Variants in TAFA4 observed in about 807,000 individuals in gnomAD.
TAFA4 encodes the protein TAFA chemokine like family member 4.
A neutral mutation model predicts 21.1 loss-of-function variants in TAFA4; 20 were observed. The observed-to-expected ratio is 0.95, with a 90% CI of 0.67 to 1.38. TAFA4 has a LOEUF of 1.38. TAFA4 is among the 40% of genes most tolerant of loss of function. TAFA4 has a pLI of 0.00. For missense variants in TAFA4, 211 were observed against 180.9 expected, an observed-to-expected ratio of 1.17 and a Z score of -0.95; for synonymous variants, 71 against 67.4, an observed-to-expected ratio of 1.05 and a Z score of -0.26.
intron 3 of TAFA4, among the ~76,000 whole-genome samples, chr3:68,861,119 T>C (rs1394478256): frequency 6.9e-6 from 1 of 145,852 alleles, no homozygotes; most frequent in Non-Finnish European, 1.5e-5. Flanking sequence ...GACACTTACA[T>C]GGATGATCAC....
At chr3:68,766,816 G>C (rs1559514207) in intron 3 of TAFA4, among the ~76,000 whole-genome samples, 1 of 152,010 alleles carries the variant, frequency 6.6e-6, no homozygotes, top group Admixed American at 6.6e-5. Context: ...CAAATTTTTT[G>C]GGATAACAAA....
At chr3:68,784,216 G>C (rs1414918859) in intron 3 of TAFA4, among the ~76,000 whole-genome samples, 2 of 152,206 alleles carry the variant, frequency 1.3e-5, no homozygotes, top group African/African-American at 2.4e-5. Flanking sequence ...GATTATGAGG[G>C]GAAGGCACAA....
At position 68,885,226 on chromosome 3, in the gene TAFA4, A is replaced by G. The variant is rs890437357; in HGVS notation, c.-38T>C. 7 of 1,605,726 alleles carry G rather than the reference A, an allele frequency of 4.4e-6. No individual in the cohort carries two copies. The highest frequency in any genetic ancestry group is 4.0e-5 in the African/African-American group (3 of 74,638). ...TAGTCAAACACACTTATTCCAGGAT[A>G]TATTTCAGAGTGACTCCAAATTCCC... On this transcript the variant is annotated 5_prime_UTR_variant, in exon 2 of 6. Coordinates refer to ENST00000295569, the MANE Select transcript of TAFA4 (RefSeq NM_182522.5).
At chr3:68,760,982 G>A (rs1039059356) in intron 3 of TAFA4, among the ~76,000 whole-genome samples, 1 of 152,198 alleles carries the variant, frequency 6.6e-6, no homozygotes, top group Non-Finnish European at 1.5e-5. Context: ...TCAAAAAGTA[G>A]AGATGCCAAA....
chr3:68,785,699 C>T (rs928987686), intron 3 of TAFA4, among the ~76,000 whole-genome samples: 1 of 152,240 alleles, frequency 6.6e-6, no homozygotes, highest in African/African-American at 2.4e-5. Flanking sequence ...TTGGCCAGTC[C>T]AGAAAGGGAC....
chr3:68,733,221 G>A (rs529876657), intron 5 of TAFA4, 68 bp from the exon 6 acceptor site: 38 of 1,574,558 alleles, frequency 2.4e-5, no homozygotes, highest in East Asian at 2.0e-4. Flanking sequence ...TCCTGCCCCC[G>A]AGACCAATAA....
intron 1 of TAFA4, among the ~76,000 whole-genome samples, chr3:68,927,899 A>G (rs879577213): frequency 6.6e-6 from 1 of 152,164 alleles, no homozygotes; most frequent in Non-Finnish European, 1.5e-5. Flanking sequence ...ATCTCAAAAA[A>G]AAAAAAGAAA....
chr3:68,783,749 G>GAAAGAAAGAAAGAAAGAA (rs1421530241), intron 3 of TAFA4, among the ~76,000 whole-genome samples: 5 of 135,990 alleles, frequency 3.7e-5, no homozygotes, highest in Non-Finnish European at 7.8e-5. Context: ...AAGAAAGTAA[G>GAAAGAAAGAAAGAAAGAA]AAAGAAAGAA....
intron 4 of TAFA4, among the ~76,000 whole-genome samples, chr3:68,746,708 C>G (rs1702465485): frequency 6.6e-6 from 1 of 152,130 alleles, no homozygotes; most frequent in Non-Finnish European, 1.5e-5. Context: ...GCAAGTAACA[C>G]AATATTGTTA....
intron 3 of TAFA4, among the ~76,000 whole-genome samples, chr3:68,836,630 A>G (rs1704529074): frequency 1.3e-5 from 2 of 152,260 alleles, no homozygotes; most frequent in Non-Finnish European, 2.9e-5. Context: ...TATAGGTAGT[A>G]GAAATCCAGA....
At chr3:68,756,791 T>A (rs1427949904) in intron 3 of TAFA4, among the ~76,000 whole-genome samples, 1 of 152,242 alleles carries the variant, frequency 6.6e-6, no homozygotes, top group Non-Finnish European at 1.5e-5. Context: ...TAAATGTTCA[T>A]AACAAGAGCG....
At chr3:68,903,263 G>A (rs1575665549) in intron 1 of TAFA4, among the ~76,000 whole-genome samples, 1 of 151,950 alleles carries the variant, frequency 6.6e-6, no homozygotes, top group East Asian at 1.9e-4. Context: ...CTGAACCTGG[G>A]GTCCTTGCAC....
chr3:68,763,987 A>C (rs780199733), intron 3 of TAFA4, among the ~76,000 whole-genome samples: 1 of 152,142 alleles, frequency 6.6e-6, no homozygotes, highest in Non-Finnish European at 1.5e-5. Flanking sequence ...CTGAGATACA[A>C]CTTACTTCTT....
At chr3:68,735,195 GC>G (rs1469699376) in intron 5 of TAFA4, among the ~76,000 whole-genome samples, 4 of 151,928 alleles carry the variant, frequency 2.6e-5, no homozygotes, top group African/African-American at 9.7e-5. Flanking sequence ...TTTTAGAAGG[GC>G]AAGTGGAAAA....
intron 3 of TAFA4, among the ~76,000 whole-genome samples, chr3:68,852,674 T>A (rs1704976750): frequency 6.6e-6 from 1 of 152,136 alleles, no homozygotes; most frequent in Admixed American, 6.5e-5. Context: ...AGCATAAAAG[T>A]CAATACACAC....
At chr3:68,846,327 G>A (rs1444818577) in intron 3 of TAFA4, among the ~76,000 whole-genome samples, 4 of 151,670 alleles carry the variant, frequency 2.6e-5, no homozygotes, top group Admixed American at 6.6e-5. Context: ...ACTTGTGTAC[G>A]CTTCAGGAAG....
intron 1 of TAFA4, among the ~76,000 whole-genome samples, chr3:68,900,002 GGCTGAGGCAGGGGACT>G (rs1275183579): frequency 6.6e-6 from 1 of 151,408 alleles, no homozygotes; most frequent in Non-Finnish European, 1.5e-5. Context: ...CACTTTTAGA[GGCTGAGGCAGGGGACT>G]GCCTGAGCTC....
rs149545400 is a variant in TAFA4 at position 68,905,883 on chromosome 3, A to C, written c.-122-20573T>G. ...CCTGGAGCAGGCTTCCAAGCAAGCC[A>C]AAGCTTTTGTTGCTTTCTTTGTTTC... On this transcript the variant is annotated intron_variant, in intron 1 of 5. Transcript: ENST00000295569. Among the ~76,000 whole-genome samples, 31 of 152,336 alleles carry C rather than the reference A, an allele frequency of 2.0e-4. 1 individual carries two copies. The East Asian group carries it at 3.7e-3, about 18-fold the overall frequency.
intron 1 of TAFA4, among the ~76,000 whole-genome samples, chr3:68,890,454 T>A (rs929060344): frequency 1.3e-5 from 2 of 152,234 alleles, no homozygotes; most frequent in African/African-American, 4.8e-5. Context: ...ATGTTGTGGT[T>A]AATTCAACTC....
Sources: gnomAD v4.1 joint callset for allele counts (sites outside exome capture counted in the v4.1 genomes callset) on GRCh38, gnomAD v4.1.1 for gene constraint, MANE v1.5 for transcripts, NCBI Gene and HGNC (gene_info 2026-07-23, HGNC 2026-07-21) for gene names.